Variants in TIAM1 observed in about 807,000 individuals in gnomAD.
The protein encoded by TIAM1 is rho guanine nucleotide exchange factor TIAM1.
Under a neutral mutation model 163.5 loss-of-function variants are expected in TIAM1, and 65 were observed. The observed-to-expected ratio is 0.40, with a 90% CI of 0.33 to 0.49. The LOEUF is 0.49. Among genes scored for constraint, TIAM1 ranks in the 20% least tolerant of loss-of-function variants. The probability of loss-of-function intolerance (pLI) is 0.77; values close to 1 mark genes in which losing one functional copy is unlikely to be tolerated. For missense variants in TIAM1, 1,789 were observed against 2,044.7 expected (o/e 0.87, Z 2.41); for synonymous variants, 833 against 810.1 (o/e 1.03, Z -0.48).
At chr21:31,330,454 T>C (rs941253554) in intron 2 of TIAM1, among the ~76,000 whole-genome samples, 3 of 152,206 alleles carry the variant, frequency 2.0e-5, no homozygotes, top group Non-Finnish European at 4.4e-5. Context: ...TTTTCTTTTT[T>C]GGGGGACAGA....
chr21:31,159,656 GAAGA>G (rs2083804972), intron 16 of TIAM1, among the ~76,000 whole-genome samples: 1 of 152,168 alleles, frequency 6.6e-6, no homozygotes, highest in African/African-American at 2.4e-5. Flanking sequence ...AAACTTCAAA[GAAGA>G]AATATCCAAG....
intron 9 of TIAM1, among the ~76,000 whole-genome samples, chr21:31,214,750 C>G (rs1403405808): frequency 6.6e-6 from 1 of 152,024 alleles, no homozygotes; most frequent in Non-Finnish European, 1.5e-5. Flanking sequence ...TGAGAAAAAG[C>G]CTTTCCTCCA....
intron 15 of TIAM1, among the ~76,000 whole-genome samples, chr21:31,171,754 T>C (rs1360411541): frequency 6.6e-6 from 1 of 152,212 alleles, no homozygotes; most frequent in Non-Finnish European, 1.5e-5. Context: ...GATAATATGT[T>C]AATTGTGATC....
chr21:31,396,289 C>T (rs1602179216), intron 2 of TIAM1, among the ~76,000 whole-genome samples: 1 of 152,174 alleles, frequency 6.6e-6, no homozygotes, highest in African/African-American at 2.4e-5. Flanking sequence ...CCATTCCTGC[C>T]TTTCCCACGC....
chr21:31,432,266 A>C (rs1243869872), intron 2 of TIAM1, among the ~76,000 whole-genome samples: 2 of 151,886 alleles, frequency 1.3e-5, no homozygotes, highest in Non-Finnish European at 2.9e-5. Context: ...ATGCCCAGCT[A>C]ATTTTTGTAT....
At chr21:31,509,168 C>T (rs762200) in intron 1 of TIAM1, among the ~76,000 whole-genome samples, 96,653 of 151,950 alleles carry the variant, frequency 0.64, 31,064 homozygotes, top group East Asian at 0.96. Flanking sequence ...CCCTGCACAA[C>T]GGTTCTTCAG....
intron 3 of TIAM1, among the ~76,000 whole-genome samples, chr21:31,270,919 C>T (rs539050721): frequency 9.1e-4 from 139 of 152,294 alleles, no homozygotes; most frequent in Admixed American, 1.8e-3. Context: ...TCCGCCTACT[C>T]CACCAAGTTC....
rs560989308 is a variant in TIAM1, at chr21:31,133,133, G to A, written c.3884-2185C>T. The stretch of plus-strand genomic sequence containing the variant: ...CACCTCTTCCTTATTTCAACTCCTT[G>A]CTCAGCCTTTCTGCTAGTTCTGCCT... On this transcript the variant is annotated intron_variant, in intron 23 of 27. Coordinates refer to ENST00000541036, the MANE Select transcript of TIAM1 (RefSeq NM_001353694.2). 8.9e-4 allele frequency among the ~76,000 whole-genome samples: 135 copies of A among 152,268 alleles called. 4 individuals carry two copies. The South Asian group carries it at 0.026, about 30-fold the overall frequency.
At chr21:31,186,669 G>C (rs113340485) in intron 14 of TIAM1, among the ~76,000 whole-genome samples, 1 of 152,032 alleles carries the variant, frequency 6.6e-6, no homozygotes, top group African/African-American at 2.4e-5. Flanking sequence ...CTCCCCTAGC[G>C]ACCTGGGGGG....
chr21:31,157,497 T>C (rs959849222), intron 16 of TIAM1, among the ~76,000 whole-genome samples: 4 of 152,212 alleles, frequency 2.6e-5, no homozygotes, highest in Non-Finnish European at 5.9e-5. Context: ...TATTCACTTA[T>C]TCACTCATTT....
chr21:31,187,757 G>A (rs16987919), intron 13 of TIAM1, among the ~76,000 whole-genome samples: 1 of 152,076 alleles, frequency 6.6e-6, no homozygotes, highest in African/African-American at 2.4e-5. Flanking sequence ...TGAGGCCGAG[G>A]TATTCTACGT....
chr21:31,130,519 T>G (rs1471311516), intron 24 of TIAM1, among the ~76,000 whole-genome samples: 2 of 151,578 alleles, frequency 1.3e-5, no homozygotes, highest in African/African-American at 4.9e-5. Flanking sequence ...TGCAAAGAAG[T>G]TTGCTAAGCA....
chr21:31,328,865 C>T (rs2075581829), intron 2 of TIAM1, among the ~76,000 whole-genome samples: 1 of 152,054 alleles, frequency 6.6e-6, no homozygotes, highest in Non-Finnish European at 1.5e-5. Context: ...AGACTGGTCT[C>T]GAACTCCCAG....
intron 2 of TIAM1, among the ~76,000 whole-genome samples, chr21:31,417,892 C>T (rs2043428606): frequency 6.6e-6 from 1 of 152,008 alleles, no homozygotes; most frequent in African/African-American, 2.4e-5. Flanking sequence ...TTGAGGCTGG[C>T]ACTTGCCATA....
At chr21:31,433,032 T>C (rs1159241157) in intron 2 of TIAM1, among the ~76,000 whole-genome samples, 1 of 152,204 alleles carries the variant, frequency 6.6e-6, no homozygotes, top group Non-Finnish European at 1.5e-5. Context: ...TGTATGTGGG[T>C]ATGTCTTTAT....
At chr21:31,516,039 C>T (rs539261048) in intron 1 of TIAM1, among the ~76,000 whole-genome samples, 82 of 143,484 alleles carry the variant, frequency 5.7e-4, no homozygotes, top group African/African-American at 1.8e-3. Flanking sequence ...ACCCAGGAGG[C>T]GGAGGTTGCA....
rs531730247 is a variant in TIAM1, at chr21:31,232,249, C to T, written c.1585-6299G>A. 2.7e-4 allele frequency among the ~76,000 whole-genome samples: 41 copies of T among 152,244 alleles called. No homozygotes were observed. The South Asian group carries it at 7.9e-3, about 29-fold the overall frequency. On this transcript the variant is annotated intron_variant, in intron 6 of 27. Transcript: ENST00000541036. The stretch of plus-strand genomic sequence containing the variant: ...GCTGCATGAAACATTTAGCCATCAG[C>T]CCTTTTAACTATTAAGTATGCCTCA...
At chr21:31,202,767 C>T in intron 12 of TIAM1, 141 bp downstream of exon 12, 2 of 745,082 alleles carry the variant, frequency 2.7e-6, no homozygotes, top group Non-Finnish European at 4.4e-6. Context: ...GTAGGGCCAT[C>T]TCCACCAACT....
intron 2 of TIAM1, among the ~76,000 whole-genome samples, chr21:31,425,643 C>T (rs1301902261): frequency 4.2e-5 from 5 of 118,396 alleles, no homozygotes; most frequent in Admixed American, 9.0e-5. Context: ...CCCTCCCTCT[C>T]TCCCTCTTTC....
Sources: gnomAD v4.1 joint callset for allele counts (sites outside exome capture counted in the v4.1 genomes callset) on GRCh38, gnomAD v4.1.1 for gene constraint, MANE v1.5 for transcripts, NCBI Gene and HGNC (gene_info 2026-07-23, HGNC 2026-07-21) for gene names.